SPMIP9: variants seen among roughly 807,000 people sequenced by gnomAD.
The protein encoded by SPMIP9 is protein SPMIP9.
the SPMIP9 span, among the ~76,000 whole-genome samples, chr2:88,527,468 T>C: frequency 6.6e-6 from 1 of 152,234 alleles, no homozygotes; most frequent in Non-Finnish European, 1.5e-5. Context: ...TTCCCTTATG[T>C]GTTTTTCTAA....
At chr2:88,525,520 G>A in the SPMIP9 span, 2 of 1,045,232 alleles carry the variant, frequency 1.9e-6, no homozygotes, top group South Asian at 2.6e-5. Context: ...AGGGAAGATG[G>A]GGAGGAGTGG....
chr2:88,526,169 C>T, the SPMIP9 span, among the ~76,000 whole-genome samples: 4 of 152,020 alleles, frequency 2.6e-5, no homozygotes, highest in Non-Finnish European at 5.9e-5. Flanking sequence ...GCATTTCCAT[C>T]AGGAGATAGG....
the SPMIP9 span, chr2:88,526,582 A>G: frequency 9.4e-7 from 1 of 1,059,744 alleles, no homozygotes; most frequent in Non-Finnish European, 1.4e-6. Context: ...AAATGTGGAC[A>G]TTTGGGCCCT....
At chr2:88,525,596 C>T in the SPMIP9 span, 2 of 1,613,138 alleles carry the variant, frequency 1.2e-6, no homozygotes, top group Non-Finnish European at 1.7e-6. Context: ...CTTTCCTTGT[C>T]TGTGGCAGAG....
chr2:88,525,797 GTTTTT>G, the SPMIP9 span: 1 of 701,190 alleles, frequency 1.4e-6, no homozygotes, highest in Non-Finnish European at 2.4e-6. Context: ...GGTTTTGTGG[GTTTTT>G]TTTTTTTTTG....
the SPMIP9 span, among the ~76,000 whole-genome samples, chr2:88,528,789 G>T: frequency 2.6e-5 from 4 of 152,194 alleles, no homozygotes; most frequent in Non-Finnish European, 4.4e-5. Flanking sequence ...TTTCTAGAGA[G>T]ATACAAAAAG....
the SPMIP9 span, chr2:88,524,919 G>C: frequency 6.6e-6 from 1 of 152,310 alleles, no homozygotes; most frequent in African/African-American, 2.4e-5. Flanking sequence ...GGATCTAGGG[G>C]CCACGCACAC....
chr2:88,525,218 CATT>C, the SPMIP9 span, among the ~76,000 whole-genome samples: 3 of 152,172 alleles, frequency 2.0e-5, no homozygotes, highest in Non-Finnish European at 4.4e-5. Flanking sequence ...GTGCCAATGA[CATT>C]ATGTTGATAG....
the SPMIP9 span, chr2:88,525,649 CAG>C: frequency 6.2e-7 from 1 of 1,614,164 alleles, no homozygotes; most frequent in African/African-American, 1.3e-5. Flanking sequence ...TTTGCCATGG[CAG>C]GTGTGAAATA....
the SPMIP9 span, among the ~76,000 whole-genome samples, chr2:88,528,417 C>T: frequency 7.2e-5 from 11 of 152,268 alleles, no homozygotes; most frequent in Non-Finnish European, 1.2e-4. Flanking sequence ...GGATTACAGG[C>T]GTAAGCCACC....
the SPMIP9 span, chr2:88,524,776 GCTGT>G: frequency 6.6e-6 from 1 of 152,408 alleles, no homozygotes; most frequent in African/African-American, 2.4e-5. Flanking sequence ...TAGGAGAGAA[GCTGT>G]CTGTGAGCAA....
the SPMIP9 span, chr2:88,525,607 C>T: frequency 6.2e-7 from 1 of 1,613,868 alleles, no homozygotes. Flanking sequence ...TGTGGCAGAG[C>T]AGGGCTAAAC....
At chr2:88,526,504 A>G in the SPMIP9 span, 2 of 1,608,662 alleles carry the variant, frequency 1.2e-6, no homozygotes, top group Non-Finnish European at 8.5e-7. Flanking sequence ...AGAGGTAGGA[A>G]GGCACGCAAG....
the SPMIP9 span, among the ~76,000 whole-genome samples, chr2:88,525,827 AGAG>A: frequency 6.8e-6 from 1 of 148,132 alleles, no homozygotes. Context: ...AAGAAGAAGA[AGAG>A]AACTGAGTTT....
chr2:88,527,099 T>C, the SPMIP9 span, among the ~76,000 whole-genome samples: 2 of 152,276 alleles, frequency 1.3e-5, no homozygotes, highest in Admixed American at 1.3e-4. Flanking sequence ...CATGGCACAT[T>C]AACATTAGCA....
the SPMIP9 span, chr2:88,529,481 T>C: frequency 1.2e-6 from 2 of 1,604,836 alleles, no homozygotes; most frequent in South Asian, 2.2e-5. Flanking sequence ...GTAGGAAGGA[T>C]GAAAATACCT....
the SPMIP9 span, among the ~76,000 whole-genome samples, chr2:88,527,291 C>G: frequency 6.6e-6 from 1 of 151,934 alleles, no homozygotes; most frequent in Non-Finnish European, 1.5e-5. Flanking sequence ...GCCAGCAGTT[C>G]GAGACCAGCC....
the SPMIP9 span, chr2:88,528,904 C>T: frequency 1.3e-6 from 1 of 757,318 alleles, no homozygotes; most frequent in Non-Finnish European, 2.1e-6. Flanking sequence ...TTCAGCATTC[C>T]CTCTGTTGTA....
chr2:88,529,063 C>T, the SPMIP9 span: 32 of 1,611,314 alleles, frequency 2.0e-5, no homozygotes, highest in East Asian at 8.9e-5. Context: ...AGGCAAAGCT[C>T]GATGCTCAAC....
Sources: allele counts gnomAD v4.1 joint callset (sites outside exome capture counted in the v4.1 genomes callset), GRCh38; gene constraint gnomAD v4.1.1; transcripts MANE v1.5; gene names NCBI Gene and HGNC (gene_info 2026-07-23, HGNC 2026-07-21).